The following DGKB variants were observed in gnomAD, a reference collection of about 807,000 sequenced individuals.
DGKB encodes the protein diacylglycerol kinase beta, also known as 90 kDa diacylglycerol kinase.
A neutral mutation model predicts 114.3 loss-of-function variants in DGKB; 67 were observed. The observed-to-expected ratio is 0.59, with a 90% CI of 0.48 to 0.72. The LOEUF is 0.72. Ranked by LOEUF, DGKB falls within the 30% of genes least tolerant of loss-of-function variation. The pLI, the probability that DGKB is intolerant of heterozygous loss-of-function variation, is 0.00. For missense variants in DGKB, 907 were observed against 975.2 expected (o/e 0.93, Z 0.93); for synonymous variants, 398 against 323.1 (o/e 1.23, Z -2.49).
Position 14,370,724 on chromosome 7 carries a change from A to T in DGKB, c.1836-25333T>A, listed in dbSNP as rs529785433. On this transcript the variant is annotated intron_variant, in intron 21 of 25. Transcript: ENST00000402815. The stretch of plus-strand genomic sequence containing the variant: ...GCACGTGGATGTCTGTTACATGGGT[A>T]TATTGCATGAAGCTGAAGTTTGAGA... 5.0e-4 allele frequency among the ~76,000 whole-genome samples: 76 copies of T among 152,250 alleles called. 2 individuals are homozygous for T. The South Asian group carries it at 0.016, about 31-fold the overall frequency.
intron 21 of DGKB, among the ~76,000 whole-genome samples, chr7:14,360,905 G>T (rs1815605686): frequency 6.6e-6 from 1 of 151,988 alleles, no homozygotes; most frequent in South Asian, 2.1e-4. Flanking sequence ...TTTTAAATCA[G>T]TAATTATGTA....
At chr7:14,182,423 A>G (rs1022121319) in intron 23 of DGKB, among the ~76,000 whole-genome samples, 7 of 152,092 alleles carry the variant, frequency 4.6e-5, no homozygotes, top group Admixed American at 4.6e-4. Flanking sequence ...TTTTAACAGT[A>G]TTTTAATATA....
chr7:14,733,458 G>A (rs1217987506), intron 5 of DGKB, among the ~76,000 whole-genome samples: 1 of 152,136 alleles, frequency 6.6e-6, no homozygotes. Context: ...AGGCTGAGGC[G>A]GGCAGATTGC....
chr7:14,355,976 G>C (rs755357268), intron 21 of DGKB, among the ~76,000 whole-genome samples: 1 of 152,016 alleles, frequency 6.6e-6, no homozygotes, highest in Non-Finnish European at 1.5e-5. Context: ...GTCTATTCAC[G>C]GATTTGACTT....
chr7:14,403,486 A>G (rs574156279), intron 21 of DGKB, among the ~76,000 whole-genome samples: 5 of 150,104 alleles, frequency 3.3e-5, no homozygotes, highest in East Asian at 2.0e-4. Flanking sequence ...TCATTCTCCT[A>G]TGATATATGT....
At position 14,853,773 on chromosome 7, in the gene DGKB, C is replaced by A. The variant is rs1018669200; in HGVS notation, c.-187-12323G>T. On this transcript the variant is annotated intron_variant, in intron 1 of 25. Coordinates refer to ENST00000402815, the MANE Select transcript of DGKB (RefSeq NM_001350709.2). ...GTCCCAGCTACTCGGGAGGCTGAGG[C>A]AGGAGAATGGCGTGAACCCACGAGG... Among the ~76,000 whole-genome samples, 3 of 146,210 alleles carry A rather than the reference C, an allele frequency of 2.1e-5. No homozygotes were observed. In the Admixed American group the frequency reaches 2.2e-4, roughly 11 times the overall value.
At chr7:14,358,742 C>G (rs933685499) in intron 21 of DGKB, among the ~76,000 whole-genome samples, 3 of 152,102 alleles carry the variant, frequency 2.0e-5, no homozygotes, top group African/African-American at 7.2e-5. Context: ...ATCCAACTTA[C>G]AAGGGATGGG....
At chr7:14,289,978 C>G (rs146949211) in intron 23 of DGKB, among the ~76,000 whole-genome samples, 1 of 152,240 alleles carries the variant, frequency 6.6e-6, no homozygotes, top group African/African-American at 2.4e-5. Flanking sequence ...ACTTGACACT[C>G]AAGATGTAGG....
At chr7:14,435,466 T>G (rs571489555) in intron 21 of DGKB, among the ~76,000 whole-genome samples, 5 of 152,054 alleles carry the variant, frequency 3.3e-5, no homozygotes, top group Non-Finnish European at 7.4e-5. Flanking sequence ...TTATCCCCTA[T>G]GAAAGATGGG....
At chr7:14,353,667 T>A (rs542449595) in intron 21 of DGKB, among the ~76,000 whole-genome samples, 17 of 152,136 alleles carry the variant, frequency 1.1e-4, no homozygotes, top group Non-Finnish European at 2.1e-4. Context: ...AAAACATAAC[T>A]CACTATGTTT....
At chr7:14,731,311 T>C (rs1055813544) in intron 5 of DGKB, among the ~76,000 whole-genome samples, 4 of 152,186 alleles carry the variant, frequency 2.6e-5, no homozygotes, top group African/African-American at 9.6e-5. Flanking sequence ...ATACAGTACG[T>C]AAATATTATT....
chr7:14,682,773 T>A lies in DGKB; in HGVS notation c.898A>T (p.Lys300Ter). The stretch of plus-strand genomic sequence containing the variant: ...CTTACATCAGTGTTCCTTTTGGACT[T>A]CACATAGGTCTTGATGCAAGAGGGA... ...APPSCIKTYV[K>*]SKRNTDVMHH... Residue 300 changes from lysine to a stop codon, truncating the protein, a stop_gained, in exon 11 of 26, where the codon AAG (lysine) becomes TAG (stop). Transcript: ENST00000402815. LOFTEE classifies it high-confidence loss of function. The A allele has an allele frequency of 6.2e-7, 1 of 1,611,680 alleles. No homozygotes were observed. The highest frequency in any genetic ancestry group is 8.5e-7 in the Non-Finnish European group (1 of 1,178,612).
intron 23 of DGKB, among the ~76,000 whole-genome samples, chr7:14,302,214 CA>C (rs1803683235): frequency 6.6e-6 from 1 of 151,888 alleles, no homozygotes; most frequent in African/African-American, 2.4e-5. Context: ...TATGAAAAAT[CA>C]AGAAAGTATT....
chr7:14,843,367 G>A lies in DGKB; in HGVS notation c.-187-1917C>T, dbSNP rs1428505724. 9.4e-5 allele frequency among the ~76,000 whole-genome samples: 10 copies of A among 105,862 alleles called. No individual in the cohort carries two copies. The East Asian group carries it at 1.6e-3, about 17-fold the overall frequency. 69.4% of individuals were successfully genotyped at this position (105,862 alleles called of 152,430 possible). A position where few individuals can be genotyped will look rare whatever the true frequency, so the allele number is the denominator to read the frequency against. ...TTTTGAGACGGAGTCTCGCTCTGTCGCCCAGGCCGGACTGCGGACTGCAGT... is the reference window on the plus strand; with the variant it reads ...TTTTGAGACGGAGTCTCGCTCTGTCACCCAGGCCGGACTGCGGACTGCAGT... On this transcript the variant is annotated intron_variant, in intron 1 of 25. Coordinates refer to ENST00000402815, the MANE Select transcript of DGKB (RefSeq NM_001350709.2).
chr7:14,801,505 C>T (rs1168811703), intron 2 of DGKB, among the ~76,000 whole-genome samples: 1 of 152,088 alleles, frequency 6.6e-6, no homozygotes, highest in East Asian at 1.9e-4. Context: ...AAATAGATTG[C>T]CCTCCCCAAT....
At chr7:14,378,024 G>A (rs1818782731) in intron 21 of DGKB, among the ~76,000 whole-genome samples, 2 of 152,174 alleles carry the variant, frequency 1.3e-5, no homozygotes, top group South Asian at 4.1e-4. Flanking sequence ...AAATCCCCCT[G>A]TGATTCTGGA....
intron 2 of DGKB, among the ~76,000 whole-genome samples, chr7:14,802,386 T>G (rs1842283859): frequency 6.6e-6 from 1 of 152,130 alleles, no homozygotes; most frequent in African/African-American, 2.4e-5. Context: ...GTTATAGCAT[T>G]TAAATTAGTA....
chr7:14,386,165 C>A (rs928067677), intron 21 of DGKB, among the ~76,000 whole-genome samples: 1 of 152,162 alleles, frequency 6.6e-6, no homozygotes. Flanking sequence ...GTGCTGTACG[C>A]CTGAAAGCTT....
At chr7:14,821,510 G>A (rs1844926734) in intron 2 of DGKB, among the ~76,000 whole-genome samples, 1 of 152,134 alleles carries the variant, frequency 6.6e-6, no homozygotes, top group Non-Finnish European at 1.5e-5. Context: ...AAACTGAAAG[G>A]TGAAAAGGAA....
Sources: allele counts gnomAD v4.1 joint callset (sites outside exome capture counted in the v4.1 genomes callset), GRCh38; gene constraint gnomAD v4.1.1; transcripts MANE v1.5; gene names NCBI Gene and HGNC (gene_info 2026-07-23, HGNC 2026-07-21).